SLC22A25: variants seen among roughly 807,000 people sequenced by gnomAD.
The protein encoded by SLC22A25 is MGI:2442751, MGI:2385316, MGI:3042283, MGI:3645714, MGI:3605624, MGI:2442750.
SLC22A25 carries 44 observed loss-of-function variants against 45.9 expected under a neutral mutation model. The observed-to-expected ratio is 0.96, with a 90% confidence interval of 0.75 to 1.23. The LOEUF (loss-of-function observed/expected upper bound fraction) is 1.23, where lower values mean the gene tolerates loss of function less well. Ranked by LOEUF, SLC22A25 falls within the 50% of genes most tolerant of loss-of-function variation. SLC22A25 has a pLI of 0.00. For synonymous variants in SLC22A25, 283 were observed against 238.6 expected, an observed-to-expected ratio of 1.19 and a Z score of -1.72; for missense variants, 800 against 666.4, an observed-to-expected ratio of 1.20 and a Z score of -2.21.
chr11:63,166,933 G>A, intron 9 of SLC22A25: 1 of 861,310 alleles, frequency 1.2e-6, no homozygotes, highest in Non-Finnish European at 1.4e-6. Flanking sequence ...CCCAGCGAGA[G>A]CAATGCGGAA....
In SLC22A25 at chr11:63,160,678, C is replaced by T. The variant is rs1254027365; in HGVS notation, c.*3146G>A. Among the ~76,000 whole-genome samples the T allele has an allele frequency of 1.3e-5, 2 of 152,132 alleles. No homozygotes were observed. Among genetic ancestry groups the T allele is most frequent in the East Asian group, 1.9e-4 (1 of 5,190 alleles). ...GAATTGTAAAGGCATTGACAGCTTG[C>T]ACTGCACACCTGGAAAAGCTGCAGA... On this transcript the variant is annotated 3_prime_UTR_variant, in exon 12 of 12. Coordinates refer to ENST00000306494, the MANE Select transcript of SLC22A25 (RefSeq NM_199352.6).
At chr11:63,193,196 T>G (rs1224780350) in intron 7 of SLC22A25, among the ~76,000 whole-genome samples, 1 of 151,986 alleles carries the variant, frequency 6.6e-6, no homozygotes, top group African/African-American at 2.4e-5. Context: ...GATAACTGAA[T>G]AGGAACAGCT....
At chr11:63,206,275 G>A (rs1013429281) in intron 7 of SLC22A25, among the ~76,000 whole-genome samples, 3 of 152,220 alleles carry the variant, frequency 2.0e-5, no homozygotes, top group African/African-American at 7.2e-5. Flanking sequence ...AGTATTGGAA[G>A]TTCTGGCCAG....
chr11:63,175,820 G>GGT (rs937098880), intron 9 of SLC22A25, among the ~76,000 whole-genome samples: 10 of 148,876 alleles, frequency 6.7e-5, no homozygotes, highest in African/African-American at 2.3e-4. Flanking sequence ...AAGAAAATTG[G>GGT]GTGTGTATAT....
At chr11:63,211,171 C>T (rs1053373266) in intron 7 of SLC22A25, among the ~76,000 whole-genome samples, 2 of 152,146 alleles carry the variant, frequency 1.3e-5, no homozygotes, top group Non-Finnish European at 2.9e-5. Flanking sequence ...TAGAGCTTAA[C>T]CCTCATGCTG....
chr11:63,163,965 A>G lies in SLC22A25; in HGVS notation c.1503T>C (p.Tyr501=). ...GGCCAGAGAGGATGGCAAAGACTCCATAGATGATCCAGGGCAGGGGTCGAG... is the reference window on the plus strand; with the variant it reads ...GGCCAGAGAGGATGGCAAAGACTCCGTAGATGATCCAGGGCAGGGGTCGAG... The part of the protein sequence containing the change: ...IYSRPLPWII[Y]GVFAILSGLV... The change falls in exon 12 of 12, where the codon TAT becomes TAC. Residue 501 remains tyrosine, a synonymous_variant. Transcript: ENST00000306494. The G allele has an allele frequency of 4.3e-6, 7 of 1,613,972 alleles. No homozygotes were observed. Among genetic ancestry groups the G allele is most frequent in the African/African-American group, 1.3e-5 (1 of 75,032 alleles).
chr11:63,169,543 C>G (rs1375082570), intron 9 of SLC22A25, among the ~76,000 whole-genome samples: 1 of 151,884 alleles, frequency 6.6e-6, no homozygotes, highest in African/African-American at 2.4e-5. Context: ...AGAGTTTAAG[C>G]CAACAGAAAT....
chr11:63,159,941 C>A lies in SLC22A25; in HGVS notation c.*3883G>T, dbSNP rs1198095181. ...ACTCCTGTCCTAGAGATTTGTGGAA[C>A]TTTGAACTTGAGTAAGATGATTTAG... On this transcript the variant is annotated 3_prime_UTR_variant, in exon 12 of 12. Coordinates refer to ENST00000306494, the MANE Select transcript of SLC22A25 (RefSeq NM_199352.6). 1.3e-5 allele frequency among the ~76,000 whole-genome samples: 2 copies of A among 152,108 alleles called. No individual in the cohort carries two copies. The highest frequency in any genetic ancestry group is 2.4e-5 in the African/African-American group (1 of 41,418).
intron 7 of SLC22A25, among the ~76,000 whole-genome samples, chr11:63,212,597 T>C (rs1590877117): frequency 7.1e-6 from 1 of 141,348 alleles, no homozygotes; most frequent in African/African-American, 2.7e-5. Flanking sequence ...TGTTCTCACT[T>C]ATAGGTGGGA....
intron 5 of SLC22A25, among the ~76,000 whole-genome samples, chr11:63,227,937 C>G (rs75780693): frequency 6.6e-6 from 1 of 152,176 alleles, no homozygotes; most frequent in Non-Finnish European, 1.5e-5. Flanking sequence ...TGCAAAGTCC[C>G]GTAATTGCTG....
chr11:63,212,469 A>G (rs1445219646), intron 7 of SLC22A25, among the ~76,000 whole-genome samples: 2 of 152,292 alleles, frequency 1.3e-5, no homozygotes, highest in Non-Finnish European at 2.9e-5. Context: ...CATACACACC[A>G]TGGAATACTA....
intron 1 of SLC22A25, among the ~76,000 whole-genome samples, chr11:63,242,821 C>T (rs1250882889): frequency 1.3e-5 from 2 of 152,134 alleles, no homozygotes; most frequent in East Asian, 3.9e-4. Flanking sequence ...TTGGGACACA[C>T]TAAAGAAGGA....
At chr11:63,212,132 C>T (rs2089584873) in intron 7 of SLC22A25, among the ~76,000 whole-genome samples, 1 of 152,040 alleles carries the variant, frequency 6.6e-6, no homozygotes, top group African/African-American at 2.4e-5. Context: ...CGTCTCACAC[C>T]AGTTAGAATG....
At chr11:63,232,774 C>T (rs2090093533) in intron 3 of SLC22A25, among the ~76,000 whole-genome samples, 1 of 152,150 alleles carries the variant, frequency 6.6e-6, no homozygotes, top group Non-Finnish European at 1.5e-5. Context: ...GTGGGTTTGT[C>T]ATAAATAGCT....
chr11:63,229,129 G>C, intron 4 of SLC22A25, 122 bp downstream of exon 4: 1 of 1,056,952 alleles, frequency 9.5e-7, no homozygotes, highest in Non-Finnish European at 1.3e-6. Flanking sequence ...AGCAATTAAT[G>C]TTTCCTGAAA....
intron 5 of SLC22A25, among the ~76,000 whole-genome samples, chr11:63,227,162 C>T (rs887662701): frequency 7.9e-5 from 12 of 151,876 alleles, no homozygotes; most frequent in Non-Finnish European, 1.8e-4. Context: ...ACCTAAGGTG[C>T]AAGACAAAGT....
intron 2 of SLC22A25, among the ~76,000 whole-genome samples, 193 bp downstream of exon 2, chr11:63,238,524 C>T (rs1189607917): frequency 4.6e-5 from 7 of 152,210 alleles, no homozygotes; most frequent in African/African-American, 1.4e-4. Flanking sequence ...TAGCAGTGTA[C>T]ATGTCTACTT....
In SLC22A25 at chr11:63,162,772, C is replaced by T. The variant is rs2087556716; in HGVS notation, c.*1052G>A. Among the ~76,000 whole-genome samples, 2 of 152,110 alleles carry T rather than the reference C, an allele frequency of 1.3e-5. No homozygotes were observed. The highest frequency in any genetic ancestry group is 4.8e-5 in the African/African-American group (2 of 41,430). The stretch of plus-strand genomic sequence containing the variant: ...TTTTATATTTAACCATTTAGAATCA[C>T]AGTTGTAAATGGAATGTATTTATCC... On this transcript the variant is annotated 3_prime_UTR_variant, in exon 12 of 12. Coordinates refer to ENST00000306494, the MANE Select transcript of SLC22A25 (RefSeq NM_199352.6).
chr11:63,242,857 T>C (rs1290413552), intron 1 of SLC22A25, among the ~76,000 whole-genome samples: 1 of 152,096 alleles, frequency 6.6e-6, no homozygotes, highest in African/African-American at 2.4e-5. Context: ...GGAGGAGAGA[T>C]GTGAGCGAGG....
Sources: allele counts gnomAD v4.1 joint callset (sites outside exome capture counted in the v4.1 genomes callset), GRCh38; gene constraint gnomAD v4.1.1; transcripts MANE v1.5; gene names NCBI Gene and HGNC (gene_info 2026-07-23, HGNC 2026-07-21).